The following WDFY3 variants were observed in gnomAD, a reference collection of about 807,000 sequenced individuals.
WDFY3 encodes WD repeat and FYVE domain-containing protein 3.
In WDFY3, 66 loss-of-function variants were observed where a neutral mutation model predicts 409.6. That is an observed-to-expected ratio of 0.16 (90% CI 0.13 to 0.20). WDFY3 has a LOEUF of 0.20. WDFY3 is among the 10% of genes least tolerant of loss of function. WDFY3 has a pLI of 1.00. For missense variants in WDFY3, 3,031 were observed against 4,298.1 expected, an observed-to-expected ratio of 0.71 and a Z score of 8.24; for synonymous variants, 1,521 against 1,537.1, an observed-to-expected ratio of 0.99 and a Z score of 0.25.
intron 64 of WDFY3, among the ~76,000 whole-genome samples, 162 bp from the exon 65 acceptor site, chr4:84,679,404 G>C (rs1726940055): frequency 6.6e-6 from 1 of 152,154 alleles, no homozygotes; most frequent in South Asian, 2.1e-4. Context: ...TTTTTGGCTA[G>C]AGTACAGAGA....
At chr4:84,840,624 C>T (rs1310535173) in intron 6 of WDFY3, among the ~76,000 whole-genome samples, 1 of 151,988 alleles carries the variant, frequency 6.6e-6, no homozygotes, top group Non-Finnish European at 1.5e-5. Flanking sequence ...ACTCTGTCAC[C>T]GAGGCTGGAG....
chr4:84,958,882 A>G (rs1194960985), intron 1 of WDFY3, among the ~76,000 whole-genome samples: 1 of 152,124 alleles, frequency 6.6e-6, no homozygotes, highest in East Asian at 1.9e-4. Flanking sequence ...ATCTCTTCTA[A>G]TGGACCTTTA....
At chr4:84,912,099 C>A (rs998556053) in intron 2 of WDFY3, among the ~76,000 whole-genome samples, 1 of 152,170 alleles carries the variant, frequency 6.6e-6, no homozygotes, top group Non-Finnish European at 1.5e-5. Context: ...AAGGTTCATG[C>A]ATATATTTTT....
chr4:84,699,028 T>C (rs1013558336), intron 56 of WDFY3, among the ~76,000 whole-genome samples: 98 of 152,022 alleles, frequency 6.4e-4, no homozygotes, highest in African/African-American at 2.3e-3. Flanking sequence ...ATTTTTTCTG[T>C]GTGAAGAGGC....
rs987676850 is a variant in WDFY3 at position 84,813,923 on chromosome 4, C to T, written c.1887+3469G>A. On this transcript the variant is annotated intron_variant, in intron 13 of 67. Coordinates refer to ENST00000295888, the MANE Select transcript of WDFY3 (RefSeq NM_014991.6). ...ATAAATTGCGGTGAGATTAATCTTG[C>T]TTTTAAGATGCATATTCAAAATTGT... is the stretch of plus-strand genomic sequence containing the variant. 2.6e-5 allele frequency among the ~76,000 whole-genome samples: 4 copies of T among 152,176 alleles called. No individual in the cohort carries two copies. In the East Asian group the frequency reaches 5.8e-4, roughly 22 times the overall value.
chr4:84,682,522 C>A, intron 63 of WDFY3, 52 bp from the exon 64 acceptor site: 1 of 1,402,246 alleles, frequency 7.1e-7, no homozygotes, highest in Non-Finnish European at 1.0e-6. Context: ...GATTAAGGAA[C>A]CAATTTACAT....
chr4:84,852,916 C>G (rs1759230208), intron 4 of WDFY3, among the ~76,000 whole-genome samples: 1 of 152,026 alleles, frequency 6.6e-6, no homozygotes. Flanking sequence ...TGCCACCACA[C>G]TCAGCTGATT....
intron 1 of WDFY3, chr4:84,965,661 G>A (rs965943123): frequency 6.6e-6 from 1 of 152,212 alleles, no homozygotes; most frequent in Non-Finnish European, 1.5e-5. Flanking sequence ...ATAATCGAAG[G>A]GCTTCCAGCG....
chr4:84,952,528 T>G lies in WDFY3; in HGVS notation c.-226+13681A>C, dbSNP rs562714476. 2.6e-5 allele frequency among the ~76,000 whole-genome samples: 4 copies of G among 152,290 alleles called. No individual in the cohort carries two copies. The East Asian group carries it at 7.7e-4, about 29-fold the overall frequency. On this transcript the variant is annotated intron_variant, in intron 1 of 67. Coordinates refer to ENST00000295888, the MANE Select transcript of WDFY3 (RefSeq NM_014991.6). ...ACAGAACTTTTATTTTCTCTGTCTT[T>G]TTCTTGCTTTCCTCTCATCATGTTG...
chr4:84,755,482 T>C (rs945455474), intron 33 of WDFY3, 82 bp from the exon 34 acceptor site: 6 of 1,481,514 alleles, frequency 4.0e-6, no homozygotes, highest in South Asian at 1.4e-5. Context: ...GGCTAAAATT[T>C]CTTTGAAACT....
chr4:84,929,034 A>C lies in WDFY3; in HGVS notation c.-132+3236T>G, dbSNP rs567289878. On this transcript the variant is annotated intron_variant, in intron 2 of 67. Coordinates refer to ENST00000295888, the MANE Select transcript of WDFY3 (RefSeq NM_014991.6). ...AACAGAATATGGAAAAAGTGAATGCATGCCACTTTCGAGACTATATTACAA... is the reference window on the plus strand; with the variant it reads ...AACAGAATATGGAAAAAGTGAATGCCTGCCACTTTCGAGACTATATTACAA... Among the ~76,000 whole-genome samples the C allele has an allele frequency of 1.8e-3, 267 of 152,290 alleles. 2 individuals carry two copies. The highest frequency in any genetic ancestry group is 0.016 in the Admixed American group (248 of 15,298).
intron 49 of WDFY3, 112 bp from the exon 50 acceptor site, chr4:84,715,495 C>A: frequency 1.6e-6 from 1 of 637,486 alleles, no homozygotes; most frequent in Admixed American, 2.8e-5. Flanking sequence ...TAATCTGCGG[C>A]CGGGCGCGGT....
intron 48 of WDFY3, among the ~76,000 whole-genome samples, chr4:84,718,176 T>A (rs1734276897): frequency 6.6e-6 from 1 of 151,352 alleles, no homozygotes; most frequent in African/African-American, 2.4e-5. Flanking sequence ...CATTATAATA[T>A]AAATAACTCA....
intron 3 of WDFY3, among the ~76,000 whole-genome samples, chr4:84,888,064 C>T (rs1182238931): frequency 6.6e-6 from 1 of 152,144 alleles, no homozygotes; most frequent in Non-Finnish European, 1.5e-5. Context: ...ATACATCTGA[C>T]ACATAGGGGA....
chr4:84,719,626 T>C lies in WDFY3; in HGVS notation c.7606-1056A>G, dbSNP rs9996181. Among the ~76,000 whole-genome samples the C allele has an allele frequency of 3.8e-3, 586 of 152,328 alleles. 3 individuals are homozygous for C. The highest frequency in any genetic ancestry group is 0.014 in the African/African-American group (570 of 41,568). Reference sequence around the variant, plus strand: ...GATCAATCCTGATGTACTTTAAAAGTTTCTCTATTGCAGTATATTTTATGC... The same window carrying C: ...GATCAATCCTGATGTACTTTAAAAGCTTCTCTATTGCAGTATATTTTATGC... On this transcript the variant is annotated intron_variant, in intron 47 of 67. Transcript: ENST00000295888.
chr4:84,710,166 C>T (rs1338694507), intron 51 of WDFY3, among the ~76,000 whole-genome samples: 1 of 152,190 alleles, frequency 6.6e-6, no homozygotes, highest in Non-Finnish European at 1.5e-5. Context: ...AGGCATGAGC[C>T]ATATTCTAAC....
intron 6 of WDFY3, among the ~76,000 whole-genome samples, chr4:84,840,317 A>G (rs939037861): frequency 2.0e-5 from 3 of 152,236 alleles, no homozygotes; most frequent in Non-Finnish European, 1.5e-5. Flanking sequence ...AAATCAAATG[A>G]GAAGAAAATA....
intron 14 of WDFY3, 193 bp downstream of exon 14, chr4:84,809,694 T>C: frequency 1.9e-6 from 1 of 535,868 alleles, no homozygotes; most frequent in Non-Finnish European, 3.2e-6. Context: ...GTACACAGGC[T>C]TCCATGCTAA....
At chr4:84,701,637 A>C (rs376959988) in intron 56 of WDFY3, among the ~76,000 whole-genome samples, 7 of 152,218 alleles carry the variant, frequency 4.6e-5, no homozygotes, top group African/African-American at 1.7e-4. Flanking sequence ...TAGATCAGCA[A>C]ACTGTGTTCC....
Sources: gnomAD v4.1 joint callset for allele counts (sites outside exome capture counted in the v4.1 genomes callset) on GRCh38, gnomAD v4.1.1 for gene constraint, MANE v1.5 for transcripts, NCBI Gene and HGNC (gene_info 2026-07-23, HGNC 2026-07-21) for gene names.